Variants in JPH3 observed in about 807,000 individuals in gnomAD.
JPH3 encodes junctophilin-3.
Under a neutral mutation model 59.6 loss-of-function variants are expected in JPH3, and 11 were observed. The ratio of observed to expected loss-of-function variants is 0.18; its 90% confidence interval spans 0.12 to 0.31. JPH3 has a LOEUF of 0.31. JPH3 is among the 10% of genes least tolerant of loss of function. The pLI is 1.00. For missense variants in JPH3, 1,202 were observed against 1,105.7 expected (o/e 1.09, Z -1.24); for synonymous variants, 673 against 483.6 (o/e 1.39, Z -5.14).
intron 3 of JPH3, among the ~76,000 whole-genome samples, chr16:87,688,346 C>G (rs1161955422): frequency 1.3e-5 from 2 of 152,222 alleles, no homozygotes; most frequent in African/African-American, 2.4e-5. Flanking sequence ...ACACAGCAGC[C>G]CAGCCTGGTG....
At chr16:87,638,624 T>A (rs1233790120) in intron 1 of JPH3, among the ~76,000 whole-genome samples, 1 of 151,988 alleles carries the variant, frequency 6.6e-6, no homozygotes, top group African/African-American at 2.4e-5. Flanking sequence ...TGGCAGGGCT[T>A]GGGGAGTGAG....
intron 1 of JPH3, among the ~76,000 whole-genome samples, chr16:87,616,864 C>G (rs974418452): frequency 6.6e-6 from 1 of 152,192 alleles, no homozygotes; most frequent in African/African-American, 2.4e-5. Flanking sequence ...TACAGTTCGT[C>G]ATTTTGGGGC....
chr16:87,674,779 G>C (rs1277718440), intron 2 of JPH3, among the ~76,000 whole-genome samples: 1 of 152,052 alleles, frequency 6.6e-6, no homozygotes, highest in Admixed American at 6.6e-5. Flanking sequence ...TATTTATTTT[G>C]AGATGGAGTC....
At chr16:87,604,842 G>A (rs1461543280) in intron 1 of JPH3, 3 of 387,154 alleles carry the variant, frequency 7.7e-6, no homozygotes, top group South Asian at 2.1e-5. Context: ...TGTCAAAGCC[G>A]TGCCCAGCCC....
At chr16:87,664,323 CTCTG>C (rs1567605761) in intron 2 of JPH3, among the ~76,000 whole-genome samples, 1 of 131,738 alleles carries the variant, frequency 7.6e-6, no homozygotes, top group African/African-American at 3.1e-5. Context: ...CAGAATGAGA[CTCTG>C]TCTGAAAAAA....
At chr16:87,669,284 G>A (rs1413552251) in intron 2 of JPH3, among the ~76,000 whole-genome samples, 1 of 152,312 alleles carries the variant, frequency 6.6e-6, no homozygotes, top group Admixed American at 6.5e-5. Context: ...TGGGTAGGAT[G>A]GGGTTGCTGA....
intron 2 of JPH3, among the ~76,000 whole-genome samples, chr16:87,651,005 A>G (rs993565218): frequency 2.6e-5 from 4 of 152,242 alleles, no homozygotes; most frequent in African/African-American, 9.6e-5. Context: ...TAATGGCTGG[A>G]TTTGAAGGAC....
chr16:87,618,761 G>A (rs1338606712), intron 1 of JPH3, among the ~76,000 whole-genome samples: 1 of 152,154 alleles, frequency 6.6e-6, no homozygotes, highest in Non-Finnish European at 1.5e-5. Flanking sequence ...CATCTTTGGA[G>A]CAATGCCTGT....
intron 2 of JPH3, among the ~76,000 whole-genome samples, chr16:87,667,595 G>A (rs188872986): frequency 1.3e-4 from 20 of 152,308 alleles, no homozygotes; most frequent in Non-Finnish European, 1.9e-4. Flanking sequence ...CTGGCATTGG[G>A]ACACCTGGGT....
At chr16:87,631,089 C>T (rs987150110) in intron 1 of JPH3, among the ~76,000 whole-genome samples, 1 of 152,150 alleles carries the variant, frequency 6.6e-6, no homozygotes, top group Non-Finnish European at 1.5e-5. Flanking sequence ...AAACACCTCT[C>T]AAATGCAGCT....
At chr16:87,637,990 C>T (rs750904657) in intron 1 of JPH3, among the ~76,000 whole-genome samples, 6 of 152,236 alleles carry the variant, frequency 3.9e-5, no homozygotes, top group African/African-American at 7.2e-5. Flanking sequence ...AATCTTGGCT[C>T]ACTGCAGCAG....
At chr16:87,658,957 T>C (rs1018473844) in intron 2 of JPH3, among the ~76,000 whole-genome samples, 7 of 152,196 alleles carry the variant, frequency 4.6e-5, no homozygotes, top group African/African-American at 1.4e-4. Context: ...AGCAGCTGAA[T>C]AAGGGTGCAA....
chr16:87,605,486 A>G (rs991124218), intron 1 of JPH3, among the ~76,000 whole-genome samples: 7 of 152,210 alleles, frequency 4.6e-5, no homozygotes, highest in South Asian at 4.1e-4. Flanking sequence ...CGGAGCTTAC[A>G]TTTGAGGGAG....
intron 2 of JPH3, among the ~76,000 whole-genome samples, chr16:87,668,106 C>T (rs561008289): frequency 2.0e-5 from 3 of 152,350 alleles, no homozygotes; most frequent in Non-Finnish European, 2.9e-5. Context: ...GCGCCCGGCT[C>T]CGTGGGCCAA....
chr16:87,659,897 C>T (rs982253169), intron 2 of JPH3, among the ~76,000 whole-genome samples: 2 of 152,310 alleles, frequency 1.3e-5, no homozygotes, highest in Middle Eastern at 3.4e-3. Flanking sequence ...TTCCCTCCCC[C>T]AGCCTGGGGA....
chr16:87,663,732 G>T (rs1201051394), intron 2 of JPH3, among the ~76,000 whole-genome samples: 1 of 152,148 alleles, frequency 6.6e-6, no homozygotes, highest in Non-Finnish European at 1.5e-5. Flanking sequence ...CTCTGCACCA[G>T]CTCTCCAGCC....
At chr16:87,666,589 G>A (rs1299558787) in intron 2 of JPH3, among the ~76,000 whole-genome samples, 1 of 151,998 alleles carries the variant, frequency 6.6e-6, no homozygotes, top group Non-Finnish European at 1.5e-5. Flanking sequence ...TAGAGATAGG[G>A]GTCTCCCTAT....
intron 3 of JPH3, among the ~76,000 whole-genome samples, chr16:87,686,314 G>C (rs562540210): frequency 7.5e-4 from 114 of 152,018 alleles, no homozygotes; most frequent in Admixed American, 1.5e-3. Flanking sequence ...ATGCTTCCTG[G>C]AGGGCTCAGT....
intron 2 of JPH3, among the ~76,000 whole-genome samples, chr16:87,655,212 A>G (rs1685710672): frequency 6.6e-6 from 1 of 152,212 alleles, no homozygotes; most frequent in Non-Finnish European, 1.5e-5. Flanking sequence ...CACCCCCGCC[A>G]GGGCCCTTGG....
Sources: allele counts gnomAD v4.1 joint callset (sites outside exome capture counted in the v4.1 genomes callset), GRCh38; gene constraint gnomAD v4.1.1; transcripts MANE v1.5; gene names NCBI Gene and HGNC (gene_info 2026-07-23, HGNC 2026-07-21).